The following VTI1A variants were observed in gnomAD, a reference collection of about 807,000 sequenced individuals.
The protein encoded by VTI1A is vesicle transport through interaction with t-SNAREs homolog 1A.
In VTI1A, 22 loss-of-function variants were observed where a neutral mutation model predicts 34.9. The observed-to-expected ratio is 0.63, with a 90% CI of 0.45 to 0.90. The LOEUF (loss-of-function observed/expected upper bound fraction) is 0.90, where lower values mean the gene tolerates loss of function less well. VTI1A is among the 40% of genes least tolerant of loss of function. The probability of loss-of-function intolerance (pLI) is 0.00; values close to 1 mark genes in which losing one functional copy is unlikely to be tolerated. For synonymous variants in VTI1A, 87 were observed against 97.3 expected (o/e 0.89, Z 0.62); for missense variants, 268 against 275.6 (o/e 0.97, Z 0.20).
At chr10:112,757,351 ATTTTTTTTTTTTTTTTTTTT>A (rs1175362768) in intron 7 of VTI1A, among the ~76,000 whole-genome samples, 8 of 40,672 alleles carry the variant, frequency 2.0e-4, no homozygotes, top group African/African-American at 7.2e-4. Context: ...TGTTGCTGTG[ATTTTTTTTTTTTTTTTTTTT>A]TTTTTTTTTT....
chr10:112,478,863 C>T (rs936160649), intron 3 of VTI1A, among the ~76,000 whole-genome samples: 69 of 151,046 alleles, frequency 4.6e-4, no homozygotes, highest in African/African-American at 1.7e-3. Context: ...CTGACACACC[C>T]GGCAACATTT....
intron 7 of VTI1A, among the ~76,000 whole-genome samples, chr10:112,669,931 A>G (rs1255876021): frequency 6.6e-6 from 1 of 152,186 alleles, no homozygotes; most frequent in African/African-American, 2.4e-5. Context: ...GGCTGATAAC[A>G]TTTTCTAAGC....
intron 7 of VTI1A, among the ~76,000 whole-genome samples, chr10:112,763,807 C>G (rs181587193): frequency 1.3e-4 from 20 of 152,188 alleles, no homozygotes; most frequent in Non-Finnish European, 2.9e-5. Flanking sequence ...CCTTTGACCT[C>G]TAGCCTCACC....
the VTI1A span, among the ~76,000 whole-genome samples, chr10:112,842,861 G>C: frequency 6.6e-6 from 1 of 152,102 alleles, no homozygotes; most frequent in Non-Finnish European, 1.5e-5. Flanking sequence ...CATGAAAACA[G>C]AAGCCACTCT....
intron 3 of VTI1A, among the ~76,000 whole-genome samples, chr10:112,467,218 T>C (rs1320404515): frequency 1.3e-5 from 2 of 152,238 alleles, no homozygotes; most frequent in African/African-American, 4.8e-5. Flanking sequence ...TTAGTCTTTT[T>C]TGTTTCTCAA....
Position 112,701,577 on chromosome 10 carries a change from A to G in VTI1A, c.560+32579A>G, listed in dbSNP as rs112150702. Among the ~76,000 whole-genome samples, 1,119 of 152,300 alleles carry G rather than the reference A, an allele frequency of 7.3e-3. 12 individuals are homozygous for G. Among genetic ancestry groups the G allele is most frequent in the African/African-American group, 0.026 (1,082 of 41,562 alleles). On this transcript the variant is annotated intron_variant, in intron 7 of 7. Coordinates refer to ENST00000393077, the MANE Select transcript of VTI1A (RefSeq NM_145206.4). ...TAATGTAGTATTTGCCAAATTTCCA[A>G]ACCTCTAAGCACGAAATCCTCAGCC... is the stretch of plus-strand genomic sequence containing the variant.
At chr10:112,812,679 C>G (rs1853359543) in intron 7 of VTI1A, among the ~76,000 whole-genome samples, 2 of 152,092 alleles carry the variant, frequency 1.3e-5, no homozygotes, top group Admixed American at 1.3e-4. Flanking sequence ...TTGCTTAGAG[C>G]TCTCTCTATT....
intron 7 of VTI1A, among the ~76,000 whole-genome samples, chr10:112,688,473 C>G (rs1848502366): frequency 1.4e-5 from 2 of 146,840 alleles, no homozygotes; most frequent in African/African-American, 5.0e-5. Context: ...TAAGTTCTGC[C>G]TTTTTGTTGT....
intron 3 of VTI1A, among the ~76,000 whole-genome samples, chr10:112,497,654 A>G (rs1849075661): frequency 6.6e-6 from 1 of 152,220 alleles, no homozygotes; most frequent in South Asian, 2.1e-4. Flanking sequence ...TATAATCTAA[A>G]TTAGGCCAAA....
chr10:112,763,589 T>C (rs1470697336), intron 7 of VTI1A, among the ~76,000 whole-genome samples: 1 of 152,186 alleles, frequency 6.6e-6, no homozygotes, highest in Admixed American at 6.5e-5. Context: ...TTGCCCTGCT[T>C]TATAGCTCTG....
At chr10:112,719,533 C>A (rs1849723038) in intron 7 of VTI1A, among the ~76,000 whole-genome samples, 1 of 151,808 alleles carries the variant, frequency 6.6e-6, no homozygotes, top group South Asian at 2.1e-4. Flanking sequence ...ACCATCACCA[C>A]AAACAATTGT....
intron 7 of VTI1A, among the ~76,000 whole-genome samples, chr10:112,772,627 A>G (rs1374939789): frequency 6.6e-6 from 1 of 152,192 alleles, no homozygotes; most frequent in Non-Finnish European, 1.5e-5. Flanking sequence ...CCACACCACA[A>G]GGACTTATTT....
chr10:112,512,353 T>A (rs943424108), intron 3 of VTI1A, among the ~76,000 whole-genome samples: 1 of 152,206 alleles, frequency 6.6e-6, no homozygotes, highest in Non-Finnish European at 1.5e-5. Context: ...GTATCTTCTT[T>A]TGAGAATATC....
chr10:112,514,932 T>G (rs2134189061), intron 3 of VTI1A, among the ~76,000 whole-genome samples: 1 of 152,174 alleles, frequency 6.6e-6, no homozygotes, highest in Middle Eastern at 3.4e-3. Flanking sequence ...CATAAGTCCC[T>G]GTTGCTGTAA....
chr10:112,790,349 G>T (rs1479493702), intron 7 of VTI1A, among the ~76,000 whole-genome samples: 1 of 152,124 alleles, frequency 6.6e-6, no homozygotes, highest in Non-Finnish European at 1.5e-5. Flanking sequence ...TGTCTCTCAG[G>T]TCTTCCCAGC....
intron 3 of VTI1A, among the ~76,000 whole-genome samples, chr10:112,523,607 A>G (rs1240047671): frequency 1.3e-5 from 2 of 151,654 alleles, no homozygotes; most frequent in East Asian, 3.9e-4. Context: ...GGAGGCAAGT[A>G]TTGTCAGCTG....
chr10:112,664,407 T>A (rs1325664993), intron 5 of VTI1A, among the ~76,000 whole-genome samples: 1 of 152,024 alleles, frequency 6.6e-6, no homozygotes, highest in Non-Finnish European at 1.5e-5. Context: ...AAAAAAAGAG[T>A]TCATGTTAGT....
At chr10:112,720,133 TCTA>T (rs1177427605) in intron 7 of VTI1A, among the ~76,000 whole-genome samples, 1 of 152,232 alleles carries the variant, frequency 6.6e-6, no homozygotes, top group Admixed American at 6.5e-5. Flanking sequence ...TTGGGTTGTT[TCTA>T]CTTTTTGAAT....
intron 5 of VTI1A, among the ~76,000 whole-genome samples, chr10:112,573,400 T>A (rs1393319268): frequency 6.6e-6 from 1 of 152,210 alleles, no homozygotes; most frequent in Non-Finnish European, 1.5e-5. Flanking sequence ...ATAGAGGGTA[T>A]GTTTATTAGG....
Sources: gnomAD v4.1 joint callset for allele counts (sites outside exome capture counted in the v4.1 genomes callset) on GRCh38, gnomAD v4.1.1 for gene constraint, MANE v1.5 for transcripts, NCBI Gene and HGNC (gene_info 2026-07-23, HGNC 2026-07-21) for gene names.